The following DOCK5 variants were observed in gnomAD, a reference collection of about 807,000 sequenced individuals.
DOCK5 encodes the protein dedicator of cytokinesis 5, also known as dedicator of cytokinesis protein 5.
A neutral mutation model predicts 251.8 loss-of-function variants in DOCK5; 142 were observed. The ratio of observed to expected loss-of-function variants is 0.56; its 90% CI spans 0.49 to 0.65. The LOEUF (loss-of-function observed/expected upper bound fraction) is 0.65. Ranked by LOEUF, DOCK5 falls within the 30% of genes least tolerant of loss-of-function variation. The pLI is 0.00. For missense variants in DOCK5, 2,111 were observed against 2,312.3 expected (o/e 0.91, Z 1.79); for synonymous variants, 842 against 835.5 (o/e 1.01, Z -0.13).
intron 51 of DOCK5, among the ~76,000 whole-genome samples, 197 bp from the exon 52 acceptor site, chr8:25,410,977 GCGCGCGCACGCACGCACGCA>G (rs1402455763): frequency 1.1e-5 from 1 of 88,186 alleles, no homozygotes; most frequent in Non-Finnish European, 2.4e-5. Context: ...GTGTGTGCGC[GCGCGCGCACGCACGCACGCA>G]CGCACGCGTG....
At chr8:25,398,875 A>AT (rs5890231) in intron 45 of DOCK5, among the ~76,000 whole-genome samples, 53,932 of 152,000 alleles carry the variant, frequency 0.35, 9,646 homozygotes, top group South Asian at 0.37. Context: ...CAGCATAGGA[A>AT]TTTGGGGGAC....
intron 5 of DOCK5, among the ~76,000 whole-genome samples, chr8:25,283,239 A>G (rs1037682535): frequency 1.3e-5 from 2 of 152,056 alleles, no homozygotes; most frequent in East Asian, 1.9e-4. Context: ...TAGGTATATT[A>G]TTATTGTTTT....
At chr8:25,288,007 T>C (rs1355666784) in intron 5 of DOCK5, among the ~76,000 whole-genome samples, 1 of 151,484 alleles carries the variant, frequency 6.6e-6, no homozygotes, top group East Asian at 1.9e-4. Context: ...TGCCTCAGCC[T>C]CTTGAGTAGC....
chr8:25,275,855 A>C (rs1804032833), intron 4 of DOCK5, among the ~76,000 whole-genome samples: 1 of 152,182 alleles, frequency 6.6e-6, no homozygotes, highest in South Asian at 2.1e-4. Context: ...TAAAATTAAA[A>C]AATTTCTCTC....
At chr8:25,248,124 A>G (rs905317025) in intron 2 of DOCK5, among the ~76,000 whole-genome samples, 3 of 152,094 alleles carry the variant, frequency 2.0e-5, no homozygotes, top group African/African-American at 7.2e-5. Flanking sequence ...CTTGACAGAG[A>G]GATTACTATA....
intron 1 of DOCK5, among the ~76,000 whole-genome samples, chr8:25,214,913 G>A (rs867087412): frequency 2.0e-5 from 3 of 152,152 alleles, no homozygotes; most frequent in Non-Finnish European, 2.9e-5. Context: ...GTTTTTATCC[G>A]CCACTGGCCA....
At chr8:25,238,817 T>A (rs1010300866) in intron 1 of DOCK5, among the ~76,000 whole-genome samples, 3 of 152,236 alleles carry the variant, frequency 2.0e-5, no homozygotes, top group African/African-American at 7.2e-5. Flanking sequence ...AATATATTCT[T>A]TTCTGACATC....
chr8:25,410,047 G>A (rs1196849853), intron 50 of DOCK5, 52 bp from the exon 51 acceptor site: 3 of 1,480,060 alleles, frequency 2.0e-6, no homozygotes, highest in Admixed American at 1.9e-5. Context: ...ATTTCCATGA[G>A]CTTCCTTGCT....
At position 25,243,609 on chromosome 8, in the gene DOCK5, G is replaced by A. The variant is rs545756029; in HGVS notation, c.44-65G>A. 6.1e-5 allele frequency: 91 copies of A among 1,488,178 alleles called. 1 individual carries two copies. Among genetic ancestry groups the A allele is most frequent in the Non-Finnish European group, 7.5e-5 (82 of 1,092,930 alleles). 92.2% of individuals were successfully genotyped at this position (1,488,178 alleles called of 1,614,324 possible). The stretch of plus-strand genomic sequence containing the variant: ...CTCTCAAAGTGCTGAGATTATAGGC[G>A]TGAGCCACCGTGCCCAGCCAAGTGA... On this transcript the variant is annotated intron_variant, in intron 1 of 51. Coordinates refer to ENST00000276440, the MANE Select transcript of DOCK5 (RefSeq NM_024940.8).
intron 1 of DOCK5, among the ~76,000 whole-genome samples, chr8:25,207,970 TG>T (rs1170381890): frequency 3.3e-5 from 5 of 152,168 alleles, no homozygotes; most frequent in African/African-American, 1.2e-4. Flanking sequence ...TGATGTTTCA[TG>T]GGAGGAGGTC....
rs1563224999 is a variant in DOCK5 at position 25,384,365 on chromosome 8, A to G, written c.4131+1587A>G. ...TGTGGTCCTGGTTATGTTTGTCAAA[A>G]CTCACAGAATTTTACACTAAAAGGG... On this transcript the variant is annotated intron_variant, in intron 40 of 51. Coordinates refer to ENST00000276440, the MANE Select transcript of DOCK5 (RefSeq NM_024940.8). Among the ~76,000 whole-genome samples, 7 of 151,416 alleles carry G rather than the reference A, an allele frequency of 4.6e-5. No individual in the cohort carries two copies. The Middle Eastern group carries it at 0.017, about 368-fold the overall frequency.
At chr8:25,351,913 A>G (rs1361423373) in intron 27 of DOCK5, 87 bp downstream of exon 27, 1 of 995,950 alleles carries the variant, frequency 1.0e-6, no homozygotes, top group East Asian at 2.6e-5. Flanking sequence ...CAGTGGCTTG[A>G]GACTATTCTT....
chr8:25,234,984 G>T (rs1004436696), intron 1 of DOCK5, among the ~76,000 whole-genome samples: 1 of 152,126 alleles, frequency 6.6e-6, no homozygotes, highest in African/African-American at 2.4e-5. Context: ...GAGGATGTAG[G>T]TGTCACCATG....
chr8:25,372,805 C>T, intron 35 of DOCK5, 87 bp downstream of exon 35: 2 of 1,362,880 alleles, frequency 1.5e-6, no homozygotes, highest in Non-Finnish European at 2.0e-6. Context: ...ATCCCACAAA[C>T]ACAGAGGCGC....
intron 1 of DOCK5, among the ~76,000 whole-genome samples, chr8:25,233,666 C>T (rs1033406486): frequency 6.6e-6 from 1 of 152,180 alleles, no homozygotes; most frequent in African/African-American, 2.4e-5. Context: ...TGGAAAATAT[C>T]TTCAATGGCA....
chr8:25,332,753 C>A, intron 20 of DOCK5, 61 bp downstream of exon 20: 2 of 1,262,472 alleles, frequency 1.6e-6, no homozygotes, highest in South Asian at 1.4e-5. Flanking sequence ...TTCAATATTT[C>A]ACTATTATAA....
chr8:25,203,707 A>G (rs1355153725), intron 1 of DOCK5, among the ~76,000 whole-genome samples: 1 of 152,216 alleles, frequency 6.6e-6, no homozygotes, highest in East Asian at 1.9e-4. Context: ...TTGTGGCCCA[A>G]AAGACTCAAT....
intron 14 of DOCK5, among the ~76,000 whole-genome samples, chr8:25,318,850 A>G (rs983159750): frequency 5.3e-5 from 8 of 152,106 alleles, no homozygotes; most frequent in Non-Finnish European, 1.5e-5. Context: ...TGAGGCTACA[A>G]TGAAATACAA....
intron 26 of DOCK5, among the ~76,000 whole-genome samples, chr8:25,346,237 G>T (rs1282606024): frequency 6.6e-6 from 1 of 152,024 alleles, no homozygotes; most frequent in Non-Finnish European, 1.5e-5. Context: ...CAAGTCAGGA[G>T]GATCACTTGA....
Sources: gnomAD v4.1 joint callset for allele counts (sites outside exome capture counted in the v4.1 genomes callset) on GRCh38, gnomAD v4.1.1 for gene constraint, MANE v1.5 for transcripts, NCBI Gene and HGNC (gene_info 2026-07-23, HGNC 2026-07-21) for gene names.